Variants in RCSD1 observed in about 807,000 individuals in gnomAD.
RCSD1 encodes the protein RCSD domain containing 1.
In RCSD1, 26 loss-of-function variants were observed where a neutral mutation model predicts 42.5. The observed-to-expected ratio is 0.61, with a 90% CI of 0.45 to 0.85. The LOEUF (loss-of-function observed/expected upper bound fraction) is 0.85, where lower values mean the gene tolerates loss of function less well. Among genes scored for constraint, RCSD1 ranks in the 40% least tolerant of loss-of-function variants. RCSD1 has a pLI of 0.00. For missense variants in RCSD1, 571 were observed against 528.3 expected, an observed-to-expected ratio of 1.08 and a Z score of -0.79; for synonymous variants, 220 against 212.2, an observed-to-expected ratio of 1.04 and a Z score of -0.32.
At chr1:167,689,382 A>G (rs1224454071) in intron 3 of RCSD1, among the ~76,000 whole-genome samples, 1 of 151,610 alleles carries the variant, frequency 6.6e-6, no homozygotes, top group Non-Finnish European at 1.5e-5. Flanking sequence ...CTTGGGAGGC[A>G]GAGACAGGAG....
At chr1:167,679,663 T>C (rs892952231) in intron 1 of RCSD1, among the ~76,000 whole-genome samples, 6 of 152,242 alleles carry the variant, frequency 3.9e-5, no homozygotes, top group African/African-American at 1.4e-4. Flanking sequence ...AAGAGCATAG[T>C]TCTTCCAGCC....
intron 4 of RCSD1, among the ~76,000 whole-genome samples, chr1:167,693,516 G>A (rs1254109329): frequency 6.6e-6 from 1 of 152,220 alleles, no homozygotes; most frequent in African/African-American, 2.4e-5. Flanking sequence ...GGCCTACTGT[G>A]TCCACCACTC....
At chr1:167,650,557 G>A (rs190125939) in intron 1 of RCSD1, among the ~76,000 whole-genome samples, 2 of 152,304 alleles carry the variant, frequency 1.3e-5, no homozygotes, top group East Asian at 3.9e-4. Context: ...AGGCCTACCA[G>A]GAGGCCTGTG....
intron 1 of RCSD1, among the ~76,000 whole-genome samples, chr1:167,652,716 T>C (rs535180197): frequency 2.6e-5 from 4 of 152,240 alleles, no homozygotes; most frequent in African/African-American, 9.6e-5. Context: ...TGGGGGATTT[T>C]TTTTTAGCCT....
chr1:167,661,837 G>A (rs555927108), intron 1 of RCSD1, among the ~76,000 whole-genome samples: 2 of 152,312 alleles, frequency 1.3e-5, no homozygotes, highest in South Asian at 2.1e-4. Flanking sequence ...GAGAAGATTG[G>A]CTTATTTGTA....
At chr1:167,646,690 G>A (rs1416122874) in intron 1 of RCSD1, among the ~76,000 whole-genome samples, 1 of 152,058 alleles carries the variant, frequency 6.6e-6, no homozygotes, top group African/African-American at 2.4e-5. Context: ...ATCCTGCCTA[G>A]GCGTCATCCC....
At chr1:167,661,077 A>G (rs1260622738) in intron 1 of RCSD1, among the ~76,000 whole-genome samples, 1 of 152,224 alleles carries the variant, frequency 6.6e-6, no homozygotes, top group African/African-American at 2.4e-5. Context: ...CCCTAACCAC[A>G]TTAAGTAAAA....
intron 1 of RCSD1, among the ~76,000 whole-genome samples, chr1:167,636,775 G>T (rs1162752422): frequency 1.3e-5 from 2 of 152,054 alleles, no homozygotes; most frequent in African/African-American, 4.8e-5. Context: ...TAGTAGAGAT[G>T]AGGTTTCACC....
chr1:167,671,454 C>T (rs1658804923), intron 1 of RCSD1, among the ~76,000 whole-genome samples: 1 of 152,208 alleles, frequency 6.6e-6, no homozygotes, highest in African/African-American at 2.4e-5. Flanking sequence ...AGCCCTTATC[C>T]ATTTCTCAGC....
rs937005523 is a variant in RCSD1, at chr1:167,707,333, A to C, written c.*2637A>C. On this transcript the variant is annotated 3_prime_UTR_variant, in exon 7 of 7. Coordinates refer to ENST00000367854, the MANE Select transcript of RCSD1 (RefSeq NM_052862.4). ...TGCGTGAAAAGGCAACCAGTTCATC[A>C]TCTTATGATTAGGTTTTCTTGATTA... Among the ~76,000 whole-genome samples, 3 of 152,260 alleles carry C rather than the reference A, an allele frequency of 2.0e-5. No homozygotes were observed. The highest frequency in any genetic ancestry group is 7.2e-5 in the African/African-American group (3 of 41,482).
Position 167,684,060 on chromosome 1 carries a change from T to G in RCSD1, c.108+59T>G, listed in dbSNP as rs1032220178. 8.5e-6 allele frequency: 12 copies of G among 1,403,810 alleles called. No individual in the cohort carries two copies. The African/African-American group carries it at 1.4e-4, about 16-fold the overall frequency. 87.0% of individuals were successfully genotyped at this position (1,403,810 alleles called of 1,614,324 possible). A position where few individuals can be genotyped will look rare whatever the true frequency, so the allele number is the denominator to read the frequency against. On this transcript the variant is annotated intron_variant, in intron 2 of 6. Transcript: ENST00000367854. ...CAGCGGGCAGGAGGAAAGGGAAATC[T>G]GGTCAGGCCCAGCGGAGAGGGAGGG... is the stretch of plus-strand genomic sequence containing the variant.
rs370176232 is a variant in RCSD1 at position 167,660,470 on chromosome 1, G to GTTT, written c.7-23428_7-23426dup. Among the ~76,000 whole-genome samples the GTTT allele has an allele frequency of 9.9e-4, 139 of 140,998 alleles. 3 individuals are homozygous for GTTT. Among genetic ancestry groups the GTTT allele is most frequent in the Admixed American group, 6.8e-3 (97 of 14,342 alleles). The allele number at this position is 140,998 out of a possible 152,430, so 92.5% of individuals were successfully genotyped here. A position where few individuals can be genotyped will look rare whatever the true frequency, so the allele number is the denominator to read the frequency against. On this transcript the variant is annotated intron_variant, in intron 1 of 6. Coordinates refer to ENST00000367854, the MANE Select transcript of RCSD1 (RefSeq NM_052862.4). ...TATACCATTGGCTCCTTAATTCACT[G>GTTT]TTTTGTTTTTTTTTTTTTAGAAACA...
At chr1:167,647,553 T>C (rs1046625828) in intron 1 of RCSD1, among the ~76,000 whole-genome samples, 6 of 152,056 alleles carry the variant, frequency 3.9e-5, no homozygotes, top group Non-Finnish European at 8.8e-5. Context: ...AGACCTCATC[T>C]CTAAAATAAC....
At chr1:167,655,606 T>G (rs1658406597) in intron 1 of RCSD1, among the ~76,000 whole-genome samples, 1 of 152,168 alleles carries the variant, frequency 6.6e-6, no homozygotes, top group South Asian at 2.1e-4. Flanking sequence ...CTCTGTGCCC[T>G]CCACCAGTCA....
intron 4 of RCSD1, among the ~76,000 whole-genome samples, chr1:167,693,253 C>T (rs1558092286): frequency 6.6e-6 from 1 of 152,160 alleles, no homozygotes; most frequent in African/African-American, 2.4e-5. Context: ...ATGCAGAGGG[C>T]AGGAGAAGCA....
intron 1 of RCSD1, among the ~76,000 whole-genome samples, chr1:167,651,422 A>C (rs528593835): frequency 1.3e-5 from 2 of 152,234 alleles, no homozygotes; most frequent in East Asian, 3.9e-4. Context: ...ACATCCTAGA[A>C]AGAGTGTCCC....
chr1:167,698,596 A>G (rs1437043521), intron 6 of RCSD1, among the ~76,000 whole-genome samples: 1 of 151,954 alleles, frequency 6.6e-6, no homozygotes, highest in East Asian at 1.9e-4. Flanking sequence ...CAGGAAGCCC[A>G]TCTTGAGCTC....
At chr1:167,638,214 G>GTTT (rs1256869336) in intron 1 of RCSD1, among the ~76,000 whole-genome samples, 2 of 152,166 alleles carry the variant, frequency 1.3e-5, no homozygotes, top group African/African-American at 4.8e-5. Context: ...TTACAGATAT[G>GTTT]TTTTGATGAA....
chr1:167,699,136 C>T (rs1195830026), intron 6 of RCSD1, among the ~76,000 whole-genome samples: 1 of 151,996 alleles, frequency 6.6e-6, no homozygotes, highest in African/African-American at 2.4e-5. Context: ...CTTTTTTTTC[C>T]CCCTGCGTAT....
Sources: allele counts gnomAD v4.1 joint callset (sites outside exome capture counted in the v4.1 genomes callset), GRCh38; gene constraint gnomAD v4.1.1; transcripts MANE v1.5; gene names NCBI Gene and HGNC (gene_info 2026-07-23, HGNC 2026-07-21).